Variants in EGFLAM observed in about 807,000 individuals in gnomAD.
EGFLAM encodes EGF like, fibronectin type III and laminin G domains.
A neutral mutation model predicts 113.1 loss-of-function variants in EGFLAM; 79 were observed. The observed-to-expected ratio is 0.70, with a 90% confidence interval of 0.58 to 0.84. EGFLAM has a LOEUF of 0.84. EGFLAM is among the 40% of genes least tolerant of loss of function. The pLI is 0.00. For missense variants in EGFLAM, 1,265 were observed against 1,291.6 expected (o/e 0.98, Z 0.32); for synonymous variants, 504 against 487.6 (o/e 1.03, Z -0.44).
chr5:38,399,940 A>G (rs1364981405), intron 6 of EGFLAM: 2 of 152,228 alleles, frequency 1.3e-5, no homozygotes. Context: ...TTTCATCCAC[A>G]TAAGTAAAAT....
At chr5:38,292,526 C>T (rs1650470411) in intron 1 of EGFLAM, among the ~76,000 whole-genome samples, 1 of 152,162 alleles carries the variant, frequency 6.6e-6, no homozygotes, top group Non-Finnish European at 1.5e-5. Context: ...CACATGTGTT[C>T]CCCAGTTCGC....
intron 1 of EGFLAM, among the ~76,000 whole-genome samples, chr5:38,330,574 G>A (rs1739014395): frequency 6.6e-6 from 1 of 152,142 alleles, no homozygotes; most frequent in Non-Finnish European, 1.5e-5. Flanking sequence ...CCATCTTCCT[G>A]TTTAAAATAC....
At chr5:38,267,076 C>T (rs966747872) in intron 1 of EGFLAM, among the ~76,000 whole-genome samples, 4 of 152,186 alleles carry the variant, frequency 2.6e-5, no homozygotes, top group Non-Finnish European at 5.9e-5. Context: ...ATTATTATTA[C>T]TTTCACCAAC....
intron 20 of EGFLAM, 120 bp downstream of exon 20, chr5:38,458,514 C>A: frequency 1.1e-6 from 1 of 888,366 alleles, no homozygotes; most frequent in East Asian, 2.7e-5. Flanking sequence ...CTAGTTACCC[C>A]TGATCCAGGG....
intron 3 of EGFLAM, chr5:38,345,910 C>G (rs962988786): frequency 6.6e-6 from 1 of 152,146 alleles, no homozygotes; most frequent in African/African-American, 2.4e-5. Context: ...TCACAAGTTA[C>G]AATACATTGA....
At chr5:38,308,401 AG>A (rs1758783388) in intron 1 of EGFLAM, among the ~76,000 whole-genome samples, 1 of 150,370 alleles carries the variant, frequency 6.7e-6, no homozygotes, top group South Asian at 2.1e-4. Context: ...CGCATGCTGA[AG>A]GCTGGGATGT....
At chr5:38,322,702 C>T (rs1738774031) in intron 1 of EGFLAM, among the ~76,000 whole-genome samples, 1 of 152,142 alleles carries the variant, frequency 6.6e-6, no homozygotes, top group African/African-American at 2.4e-5. Context: ...GAATTACACT[C>T]GGGAATGATG....
At chr5:38,321,309 C>T (rs755208846) in intron 1 of EGFLAM, among the ~76,000 whole-genome samples, 23 of 152,208 alleles carry the variant, frequency 1.5e-4, no homozygotes, top group South Asian at 1.2e-3. Context: ...TGACAGGAGG[C>T]GGAACTCAGG....
intron 16 of EGFLAM, among the ~76,000 whole-genome samples, chr5:38,435,498 T>C (rs1742314779): frequency 6.6e-6 from 1 of 152,246 alleles, no homozygotes; most frequent in Admixed American, 6.5e-5. Context: ...TGAATTTTTA[T>C]GGCAAATCTA....
At chr5:38,317,924 G>A (rs1449787707) in intron 1 of EGFLAM, among the ~76,000 whole-genome samples, 1 of 152,200 alleles carries the variant, frequency 6.6e-6, no homozygotes, top group African/African-American at 2.4e-5. Flanking sequence ...ATGTGCTGGA[G>A]GCCAGTGTTG....
At chr5:38,430,867 C>T (rs1182929310) in intron 14 of EGFLAM, among the ~76,000 whole-genome samples, 1 of 152,104 alleles carries the variant, frequency 6.6e-6, no homozygotes, top group Non-Finnish European at 1.5e-5. Context: ...AGTCTTGGTC[C>T]AAGTCTGAAG....
chr5:38,286,553 T>G (rs987500313), intron 1 of EGFLAM, among the ~76,000 whole-genome samples: 4 of 152,192 alleles, frequency 2.6e-5, no homozygotes, highest in Non-Finnish European at 5.9e-5. Context: ...AAAAAATGCT[T>G]GACTTAGTGG....
At position 38,373,557 on chromosome 5, in the gene EGFLAM, C is replaced by T. The variant is rs540536744; in HGVS notation, c.712+3095C>T. Among the ~76,000 whole-genome samples, 12 of 152,180 alleles carry T rather than the reference C, an allele frequency of 7.9e-5. No individual in the cohort carries two copies. The South Asian group carries it at 2.1e-3, about 26-fold the overall frequency. On this transcript the variant is annotated intron_variant, in intron 6 of 21. Transcript: ENST00000322350. ...GAGTTATTTCACTTAGGATAATGAC[C>T]TCCAGTTTCATTCATGTTGCTTAAA... is the stretch of plus-strand genomic sequence containing the variant.
At chr5:38,452,896 C>T (rs1285594696) in intron 19 of EGFLAM, among the ~76,000 whole-genome samples, 7 of 152,332 alleles carry the variant, frequency 4.6e-5, no homozygotes, top group African/African-American at 1.7e-4. Context: ...AATGAGTTCT[C>T]CCCACTCTTC....
chr5:38,454,163 C>T lies in EGFLAM; in HGVS notation c.2687+2705C>T, dbSNP rs72742513. On this transcript the variant is annotated intron_variant, in intron 19 of 21. Coordinates refer to ENST00000322350, the MANE Select transcript of EGFLAM (RefSeq NM_152403.4). The stretch of plus-strand genomic sequence containing the variant: ...CTGTTATCCCACCACATCAATGTCC[C>T]CGATGCTGATGTAGGGAAGCGTACC... Among the ~76,000 whole-genome samples, 1,373 of 152,266 alleles carry T rather than the reference C, an allele frequency of 9.0e-3. 5 individuals carry two copies. Among genetic ancestry groups the T allele is most frequent in the Middle Eastern group, 0.024 (7 of 294 alleles).
rs557630280 is a variant in EGFLAM at position 38,457,058 on chromosome 5, G to A, written c.2688-1253G>A. ...TGTTTTCTGAAACCCTTATGGTATC[G>A]GGGTATCTGGGAACTGAAATAGAAA... On this transcript the variant is annotated intron_variant, in intron 19 of 21. Coordinates refer to ENST00000322350, the MANE Select transcript of EGFLAM (RefSeq NM_152403.4). 3.9e-5 allele frequency among the ~76,000 whole-genome samples: 6 copies of A among 152,276 alleles called. No individual in the cohort carries two copies. In the South Asian group the frequency reaches 1.0e-3, roughly 26 times the overall value.
intron 3 of EGFLAM, among the ~76,000 whole-genome samples, chr5:38,339,653 A>T (rs1739284005): frequency 6.6e-6 from 1 of 152,204 alleles, no homozygotes; most frequent in African/African-American, 2.4e-5. Context: ...ACTGACAAGG[A>T]TGCTGAGACT....
intron 1 of EGFLAM, among the ~76,000 whole-genome samples, chr5:38,311,027 A>G (rs1034749837): frequency 1.3e-5 from 2 of 151,882 alleles, no homozygotes; most frequent in Non-Finnish European, 2.9e-5. Flanking sequence ...TCCTTCTCCC[A>G]CTTGGAACCA....
Position 38,358,644 on chromosome 5 carries a change from T to C in EGFLAM, c.545+6313T>C, listed in dbSNP as rs75566949. On this transcript the variant is annotated intron_variant, in intron 5 of 21. Coordinates refer to ENST00000322350, the MANE Select transcript of EGFLAM (RefSeq NM_152403.4). ...TTACCCCCAAAATAGAGGACACCTC[T>C]AGTGTGAGCACTCTGAAGGCGCTCT... Among the ~76,000 whole-genome samples, 1,015 of 152,130 alleles carry C rather than the reference T, an allele frequency of 6.7e-3. 18 individuals carry two copies. Among genetic ancestry groups the C allele is most frequent in the African/African-American group, 0.023 (957 of 41,490 alleles).
Sources: gnomAD v4.1 joint callset for allele counts (sites outside exome capture counted in the v4.1 genomes callset) on GRCh38, gnomAD v4.1.1 for gene constraint, MANE v1.5 for transcripts, NCBI Gene and HGNC (gene_info 2026-07-23, HGNC 2026-07-21) for gene names.